Variants in BRINP1 observed in about 807,000 individuals in gnomAD.
BRINP1 encodes BMP/retinoic acid-inducible neural-specific protein 1.
A neutral mutation model predicts 72.9 loss-of-function variants in BRINP1; 17 were observed. The observed-to-expected ratio is 0.23, with a 90% CI of 0.16 to 0.35. BRINP1 has a LOEUF of 0.35. BRINP1 is among the 10% of genes least tolerant of loss of function. The pLI is 1.00. For missense variants in BRINP1, 850 were observed against 1,001.6 expected, an observed-to-expected ratio of 0.85 and a Z score of 2.04; for synonymous variants, 418 against 378.5, an observed-to-expected ratio of 1.10 and a Z score of -1.21.
intron 2 of BRINP1, among the ~76,000 whole-genome samples, chr9:119,301,419 T>C (rs772810235): frequency 1.4e-4 from 22 of 152,196 alleles, no homozygotes; most frequent in East Asian, 3.8e-4. Context: ...CCTTAAAGTA[T>C]CTCAGGTTAT....
rs753546500 is a variant in BRINP1, at chr9:119,168,229, G to A, written c.1146-5C>T. On this transcript the variant is annotated splice_region_variant and splice_polypyrimidine_tract_variant and intron_variant, in intron 7 of 7. Transcript: ENST00000265922. ...GCAAGCCACTGCTGAATTGTCCTGG[G>A]AGATAAAGGAAAATTGGAGAAGGTT... The A allele has an allele frequency of 2.0e-6, 3 of 1,496,244 alleles. No individual in the cohort carries two copies. Among genetic ancestry groups the A allele is most frequent in the East Asian group, 2.3e-5 (1 of 43,572 alleles). 92.7% of individuals were successfully genotyped at this position (1,496,244 alleles called of 1,614,324 possible). A position where few individuals can be genotyped will look rare whatever the true frequency, so the allele number is the denominator to read the frequency against.
chr9:119,274,841 A>C (rs1163951763), intron 2 of BRINP1, among the ~76,000 whole-genome samples: 1 of 152,188 alleles, frequency 6.6e-6, no homozygotes, highest in Admixed American at 6.6e-5. Flanking sequence ...AGGATCTTCT[A>C]ATTAAGGTAT....
chr9:119,291,791 A>C (rs1830824292), intron 2 of BRINP1, among the ~76,000 whole-genome samples: 1 of 152,146 alleles, frequency 6.6e-6, no homozygotes, highest in Admixed American at 6.5e-5. Context: ...TACTCAGCAA[A>C]AGAATAGGAT....
intron 2 of BRINP1, among the ~76,000 whole-genome samples, chr9:119,281,712 CAT>C (rs1588189954): frequency 6.6e-6 from 1 of 152,120 alleles, no homozygotes; most frequent in East Asian, 1.9e-4. Flanking sequence ...TGCATATAGA[CAT>C]ATAAACATTT....
chr9:119,306,916 A>G (rs1831002717), intron 2 of BRINP1, among the ~76,000 whole-genome samples: 1 of 152,128 alleles, frequency 6.6e-6, no homozygotes, highest in Admixed American at 6.5e-5. Flanking sequence ...AGTGGTACCT[A>G]TATTTAAGCC....
At chr9:119,294,396 A>G (rs1830852683) in intron 2 of BRINP1, among the ~76,000 whole-genome samples, 1 of 152,066 alleles carries the variant, frequency 6.6e-6, no homozygotes. Flanking sequence ...GCGTGTTGGC[A>G]TATGCCTATA....
At chr9:119,283,205 CA>C (rs1830730294) in intron 2 of BRINP1, 1 of 982,790 alleles carries the variant, frequency 1.0e-6, no homozygotes. Flanking sequence ...GGGGTGGAAA[CA>C]AACAGTAGTC....
intron 7 of BRINP1, among the ~76,000 whole-genome samples, chr9:119,172,812 C>T (rs915514064): frequency 3.9e-5 from 6 of 151,988 alleles, no homozygotes; most frequent in African/African-American, 1.5e-4. Flanking sequence ...CCCTCAGATG[C>T]AAGGCTGGTT....
intron 7 of BRINP1, among the ~76,000 whole-genome samples, chr9:119,168,982 G>T (rs1321111401): frequency 6.6e-6 from 1 of 152,156 alleles, no homozygotes; most frequent in African/African-American, 2.4e-5. Context: ...CCATTATTGG[G>T]TATATACCCA....
At chr9:119,351,369 T>C (rs552284916) in intron 1 of BRINP1, among the ~76,000 whole-genome samples, 1 of 152,124 alleles carries the variant, frequency 6.6e-6, no homozygotes, top group African/African-American at 2.4e-5. Flanking sequence ...TATCAAGTTA[T>C]GCCATTGGAT....
intron 7 of BRINP1, among the ~76,000 whole-genome samples, chr9:119,185,189 C>G (rs1321465586): frequency 1.3e-5 from 2 of 152,110 alleles, no homozygotes; most frequent in Non-Finnish European, 2.9e-5. Flanking sequence ...TTCCCTCATT[C>G]AGTACCCACA....
rs149333958 is a variant in BRINP1 at position 119,252,516 on chromosome 9, T to C, written c.219-3366A>G. 4.3e-4 allele frequency among the ~76,000 whole-genome samples: 65 copies of C among 151,720 alleles called. No homozygotes were observed. In the East Asian group the frequency reaches 0.012, roughly 29 times the overall value. Reference sequence around the variant, plus strand: ...TATATATATATGCATATAAACATACTGATATATCAGTATATAGAAAAATAT... The same window carrying C: ...TATATATATATGCATATAAACATACCGATATATCAGTATATAGAAAAATAT... On this transcript the variant is annotated intron_variant, in intron 2 of 7. Transcript: ENST00000265922.
intron 7 of BRINP1, among the ~76,000 whole-genome samples, chr9:119,203,186 AGCATGCATTCTT>A (rs1829822039): frequency 6.6e-6 from 1 of 152,168 alleles, no homozygotes; most frequent in Admixed American, 6.5e-5. Context: ...CTGCTTAGAC[AGCATGCATTCTT>A]GCTGCTCTGC....
intron 5 of BRINP1, among the ~76,000 whole-genome samples, chr9:119,223,446 T>G (rs1341531452): frequency 6.6e-6 from 1 of 152,108 alleles, no homozygotes; most frequent in African/African-American, 2.4e-5. Context: ...AGAAGTCTTA[T>G]GTGGTCTCAG....
At chr9:119,237,295 C>T in intron 5 of BRINP1, among the ~76,000 whole-genome samples, 1 of 151,782 alleles carries the variant, frequency 6.6e-6, no homozygotes, top group East Asian at 1.9e-4. Context: ...CATCGGTAAC[C>T]TAGAGATCCA....
At chr9:119,261,655 A>G (rs932104240) in intron 2 of BRINP1, among the ~76,000 whole-genome samples, 1 of 152,202 alleles carries the variant, frequency 6.6e-6, no homozygotes, top group African/African-American at 2.4e-5. Flanking sequence ...TGATGGCAAT[A>G]GCCTACAAAA....
intron 1 of BRINP1, among the ~76,000 whole-genome samples, chr9:119,341,035 C>T (rs535879059): frequency 4.6e-5 from 7 of 152,322 alleles, no homozygotes; most frequent in South Asian, 2.1e-4. Context: ...AGCACAGCAA[C>T]GGCTCTCTTT....
At chr9:119,355,205 C>A (rs190081661) in intron 1 of BRINP1, among the ~76,000 whole-genome samples, 37 of 152,238 alleles carry the variant, frequency 2.4e-4, no homozygotes, top group African/African-American at 8.2e-4. Flanking sequence ...GATGACTATT[C>A]AAATACTAGG....
intron 2 of BRINP1, among the ~76,000 whole-genome samples, chr9:119,300,504 T>C (rs537985823): frequency 2.0e-4 from 30 of 152,272 alleles, no homozygotes; most frequent in African/African-American, 5.5e-4. Flanking sequence ...CACGACTATG[T>C]ACACACAAGA....
Sources: gnomAD v4.1 joint callset for allele counts (sites outside exome capture counted in the v4.1 genomes callset) on GRCh38, gnomAD v4.1.1 for gene constraint, MANE v1.5 for transcripts, NCBI Gene and HGNC (gene_info 2026-07-23, HGNC 2026-07-21) for gene names.